Variants in NRDE2 observed in about 807,000 individuals in gnomAD.
NRDE2 encodes the protein nuclear exosome regulator NRDE2.
In NRDE2, 76 loss-of-function variants were observed where a neutral mutation model predicts 124.2. That is an observed-to-expected ratio of 0.61 (90% CI 0.51 to 0.74). The LOEUF (loss-of-function observed/expected upper bound fraction) is 0.74. NRDE2 is among the 30% of genes least tolerant of loss of function. NRDE2 has a pLI of 0.00. For synonymous variants in NRDE2, 489 were observed against 528.1 expected, an observed-to-expected ratio of 0.93 and a Z score of 1.01; for missense variants, 1,314 against 1,417.3, an observed-to-expected ratio of 0.93 and a Z score of 1.17.
At chr14:90,315,871 C>T (rs370466780) in intron 3 of NRDE2, among the ~76,000 whole-genome samples, 1 of 149,614 alleles carries the variant, frequency 6.7e-6, no homozygotes, top group South Asian at 2.1e-4. Flanking sequence ...GCAGGACAAT[C>T]GCCTGAACCC....
At chr14:90,313,556 T>C (rs899063860) in intron 3 of NRDE2, among the ~76,000 whole-genome samples, 3 of 152,168 alleles carry the variant, frequency 2.0e-5, no homozygotes, top group African/African-American at 7.2e-5. Flanking sequence ...AACCAATGTG[T>C]AGGCTGGCAG....
At position 90,273,094 on chromosome 14, in the gene NRDE2, C is replaced by T. The variant is rs376919541; in HGVS notation, c.*5242G>A. On this transcript the variant is annotated 3_prime_UTR_variant, in exon 14 of 14. Transcript: ENST00000354366. ...CCCCTTCCCTTTCTCCGTCTATTTC[C>T]GTCATTTCTCTTTCTGAACAAATCA... The T allele has an allele frequency of 7.2e-5, 11 of 152,116 alleles. No individual in the cohort carries two copies. Among genetic ancestry groups the T allele is most frequent in the African/African-American group, 2.7e-4 (11 of 41,404 alleles). The allele number at this position is 152,116 out of a possible 1,614,324, so 9.4% of individuals were successfully genotyped here. A position where few individuals can be genotyped will look rare whatever the true frequency, so the allele number is the denominator to read the frequency against.
intron 10 of NRDE2, 119 bp from the exon 11 acceptor site, chr14:90,289,264 G>T: frequency 2.5e-6 from 2 of 805,802 alleles, no homozygotes; most frequent in Non-Finnish European, 4.0e-6. Flanking sequence ...TTTATCACGG[G>T]TCTGGTAAAC....
intron 3 of NRDE2, among the ~76,000 whole-genome samples, chr14:90,313,041 C>T (rs1884903130): frequency 6.6e-6 from 1 of 151,990 alleles, no homozygotes; most frequent in Non-Finnish European, 1.5e-5. Context: ...GATACTTATT[C>T]CAACTCAAAA....
At chr14:90,299,340 G>A (rs574379548) in intron 7 of NRDE2, among the ~76,000 whole-genome samples, 2 of 151,976 alleles carry the variant, frequency 1.3e-5, no homozygotes, top group South Asian at 2.1e-4. Flanking sequence ...AAACCACCGC[G>A]CCCAGCCTAA....
Position 90,268,669 on chromosome 14 carries a change from C to T in NRDE2, c.*9667G>A, listed in dbSNP as rs1193898129. 2.6e-5 allele frequency: 10 copies of T among 380,420 alleles called. No homozygotes were observed. The highest frequency in any genetic ancestry group is 4.2e-5 in the Non-Finnish European group (9 of 212,390). The allele number at this position is 380,420 out of a possible 1,614,324, so 23.6% of individuals were successfully genotyped here. ...GCCCTGATCCAGGACCATCTGGACT[C>T]TAGGGACACAGTTGTGAGCACAAGT... On this transcript the variant is annotated 3_prime_UTR_variant, in exon 14 of 14. Transcript: ENST00000354366.
At chr14:90,331,804 C>T in intron 1 of NRDE2, 37 bp downstream of exon 1, 3 of 1,609,366 alleles carry the variant, frequency 1.9e-6, no homozygotes, top group Non-Finnish European at 1.7e-6. Flanking sequence ...CCTCTTAAGC[C>T]CCCCAGGTGC....
chr14:90,285,827 GT>G (rs1428953350), intron 12 of NRDE2, among the ~76,000 whole-genome samples: 1 of 151,852 alleles, frequency 6.6e-6, no homozygotes, highest in Non-Finnish European at 1.5e-5. Context: ...TAGAGATGGG[GT>G]ATCACCATCT....
rs1483007156 is a variant in NRDE2 at position 90,304,168 on chromosome 14, C to T, written c.772G>A (p.Asp258Asn). 1.2e-6 allele frequency: 2 copies of T among 1,614,084 alleles called. No individual in the cohort carries two copies. Among genetic ancestry groups the T allele is most frequent in the African/African-American group, 1.3e-5 (1 of 74,930 alleles). ...SEPISFIPVK[D>N]LEDAAPVTTW... ...GTAACAGGAGCCGCATCTTCCAAGT[C>T]CTTCACTGGTATAAAGGAGATGGGC... The change falls in exon 5 of 14, where the codon GAC (aspartate) becomes AAC (asparagine). Residue 258 changes from aspartate (D) to asparagine (N), a missense_variant. Asp to Asn is a conservative substitution (Grantham distance 23). Coordinates refer to ENST00000354366, the MANE Select transcript of NRDE2 (RefSeq NM_017970.4).
rs1027074398 is a variant in NRDE2, at chr14:90,272,968, C to A, written c.*5368G>T. 6.6e-6 allele frequency: 1 copy of A among 152,158 alleles called. No individual in the cohort carries two copies. Among genetic ancestry groups the A allele is most frequent in the Non-Finnish European group, 1.5e-5 (1 of 68,032 alleles). 9.4% of individuals were successfully genotyped at this position (152,158 alleles called of 1,614,324 possible). ...GGCAGAAAATAACTACTGGTGTTCC[C>A]AAGAGACTGAGGATTCCTAGAGATA... On this transcript the variant is annotated 3_prime_UTR_variant, in exon 14 of 14. Transcript: ENST00000354366. This position sits in a 1 kb window ranked among gnomAD's most constrained non-coding sequence, Gnocchi z 4.5.
chr14:90,284,522 C>T (rs1236561041), intron 12 of NRDE2, among the ~76,000 whole-genome samples: 2 of 151,802 alleles, frequency 1.3e-5, no homozygotes, highest in Non-Finnish European at 2.9e-5. Context: ...CCTGCCACCA[C>T]ATCCAGCTAA....
chr14:90,329,522 A>G (rs1258828724), intron 1 of NRDE2, among the ~76,000 whole-genome samples: 1 of 152,112 alleles, frequency 6.6e-6, no homozygotes, highest in Non-Finnish European at 1.5e-5. Flanking sequence ...CAACATAGCA[A>G]GACCCTGTCC....
rs955101553 is a variant in NRDE2 at position 90,312,252 on chromosome 14, C to A, written c.557+142G>T. On this transcript the variant is annotated intron_variant, in intron 4 of 13. Coordinates refer to ENST00000354366, the MANE Select transcript of NRDE2 (RefSeq NM_017970.4). ...CTTCATTTTAGAATAGGAGATGAGA[C>A]ATGTGCCTGAACAATGCAATAAATA... 3.8e-5 allele frequency: 26 copies of A among 693,290 alleles called. No individual in the cohort carries two copies. The African/African-American group carries it at 4.5e-4, about 12-fold the overall frequency. 42.9% of individuals were successfully genotyped at this position (693,290 alleles called of 1,614,324 possible).
At chr14:90,327,107 T>C (rs1342916391) in intron 1 of NRDE2, among the ~76,000 whole-genome samples, 1 of 152,292 alleles carries the variant, frequency 6.6e-6, no homozygotes, top group African/African-American at 2.4e-5. Flanking sequence ...AACAACCCAG[T>C]GTGTGGTTTT....
intron 4 of NRDE2, among the ~76,000 whole-genome samples, chr14:90,305,666 C>T (rs1884571576): frequency 6.6e-6 from 1 of 152,098 alleles, no homozygotes; most frequent in Admixed American, 6.5e-5. Flanking sequence ...AAGCCAGAAG[C>T]CAGATACAAA....
chr14:90,313,706 T>C (rs1421461699), intron 3 of NRDE2, among the ~76,000 whole-genome samples: 1 of 152,206 alleles, frequency 6.6e-6, no homozygotes, highest in Admixed American at 6.5e-5. Context: ...GACAAAGTAG[T>C]CAAAACAGCC....
rs767729512 is a variant in NRDE2 at position 90,288,249 on chromosome 14, T to A, written c.3126A>T (p.Lys1042Asn). The A allele has an allele frequency of 4.3e-6, 7 of 1,613,982 alleles. No homozygotes were observed. Among genetic ancestry groups the A allele is most frequent in the Non-Finnish European group, 5.1e-6 (6 of 1,180,012 alleles). The change falls in exon 11 of 14, where the codon AAA (lysine) becomes AAT (asparagine). Residue 1042 changes from lysine (K) to asparagine (N), a missense_variant. Physicochemically the swap from Lys to Asn is moderately conservative, Grantham distance 94 (BLOSUM62 0). Transcript: ENST00000354366. ...EPWLFAIEAE[K>N]LRKRLVETVQ... ...CAGTTTCCACCAGTCTCTTCCTCAGTTTCTCAGCTTCAATTGCAAACAACC... is the reference window on the plus strand; with the variant it reads ...CAGTTTCCACCAGTCTCTTCCTCAGATTCTCAGCTTCAATTGCAAACAACC...
intron 4 of NRDE2, among the ~76,000 whole-genome samples, chr14:90,309,046 T>C (rs1884724131): frequency 6.6e-6 from 1 of 151,856 alleles, no homozygotes; most frequent in South Asian, 2.1e-4. Context: ...ATTGAGAACA[T>C]CCTGGCTAAA....
In NRDE2 at chr14:90,288,751, C is replaced by G; in HGVS notation, c.2624G>C (p.Arg875Pro). 2 of 1,614,092 alleles carry G rather than the reference C, an allele frequency of 1.2e-6. No individual in the cohort carries two copies. Among genetic ancestry groups the G allele is most frequent in the East Asian group, 2.2e-5 (1 of 44,880 alleles). ...QVLAVHILKARKAYEHALQDC... is the reference protein window; with the variant it reads ...QVLAVHILKAPKAYEHALQDC... Reference sequence around the variant, plus strand: ...CTGCAGTGCGTGCTCATAAGCCTTTCGCGCTTTCAAAATGTGAACAGCCAA... The same window carrying G: ...CTGCAGTGCGTGCTCATAAGCCTTTGGCGCTTTCAAAATGTGAACAGCCAA... The change falls in exon 11 of 14, where the codon CGA becomes CCA. Residue 875 changes from arginine (R) to proline (P), a missense_variant. Coordinates refer to ENST00000354366, the MANE Select transcript of NRDE2 (RefSeq NM_017970.4).
Sources: allele counts gnomAD v4.1 joint callset (sites outside exome capture counted in the v4.1 genomes callset), GRCh38; gene constraint gnomAD v4.1.1; non-coding constraint Gnocchi (gnomAD v3.1); transcripts MANE v1.5; gene names NCBI Gene and HGNC (gene_info 2026-07-23, HGNC 2026-07-21).